CDK6: variants seen among roughly 807,000 people sequenced by gnomAD.
CDK6 encodes the protein cyclin dependent kinase 6.
In CDK6, 6 loss-of-function variants were observed where a neutral mutation model predicts 37.1. The ratio of observed to expected loss-of-function variants is 0.16; its 90% CI spans 0.09 to 0.32. The LOEUF is 0.32. Among genes scored for constraint, CDK6 ranks in the 10% least tolerant of loss-of-function variants. CDK6 has a pLI of 1.00. For missense variants in CDK6, 224 were observed against 418.9 expected, an observed-to-expected ratio of 0.53 and a Z score of 4.06; for synonymous variants, 160 against 161.3, an observed-to-expected ratio of 0.99 and a Z score of 0.06.
intron 4 of CDK6, among the ~76,000 whole-genome samples, chr7:92,672,176 C>CACACAG (rs1797093213): frequency 9.6e-6 from 1 of 104,054 alleles, no homozygotes; most frequent in Non-Finnish European, 1.9e-5. Context: ...TACACACACA[C>CACACAG]ACACACAGAC....
chr7:92,664,807 A>C (rs1249694994), intron 5 of CDK6, among the ~76,000 whole-genome samples: 3 of 148,644 alleles, frequency 2.0e-5, no homozygotes, highest in East Asian at 3.9e-4. Flanking sequence ...TTTTTTTGAG[A>C]CTGAGTCTCA....
chr7:92,623,149 G>T, intron 5 of CDK6, 63 bp from the exon 6 acceptor site: 2 of 1,128,506 alleles, frequency 1.8e-6, no homozygotes, highest in Non-Finnish European at 2.6e-6. Flanking sequence ...AATCATATTT[G>T]CCATTATCAT....
intron 5 of CDK6, among the ~76,000 whole-genome samples, chr7:92,642,036 T>A (rs1585360972): frequency 6.6e-6 from 1 of 152,170 alleles, no homozygotes; most frequent in East Asian, 1.9e-4. Context: ...CTGTTTGGAG[T>A]TCCCCTGTGA....
At chr7:92,647,485 C>T (rs1796478955) in intron 5 of CDK6, among the ~76,000 whole-genome samples, 2 of 152,194 alleles carry the variant, frequency 1.3e-5, no homozygotes, top group Admixed American at 1.3e-4. Flanking sequence ...GGAATCTCTG[C>T]AGGCAGTTTC....
intron 3 of CDK6, among the ~76,000 whole-genome samples, chr7:92,733,110 T>A (rs1798691479): frequency 1.3e-5 from 2 of 152,220 alleles, no homozygotes; most frequent in South Asian, 2.1e-4. Flanking sequence ...ATGAACATTA[T>A]CTTTCATTTA....
intron 2 of CDK6, among the ~76,000 whole-genome samples, chr7:92,776,822 T>C (rs1264442123): frequency 1.3e-5 from 2 of 152,220 alleles, no homozygotes; most frequent in African/African-American, 4.8e-5. Flanking sequence ...CTTTGTCAGA[T>C]GGATAGATTG....
At chr7:92,724,374 T>G (rs1798460152) in intron 4 of CDK6, among the ~76,000 whole-genome samples, 1 of 152,158 alleles carries the variant, frequency 6.6e-6, no homozygotes, top group Non-Finnish European at 1.5e-5. Context: ...GGCAACATTT[T>G]CCAAGGAATC....
intron 3 of CDK6, among the ~76,000 whole-genome samples, chr7:92,729,701 C>T (rs1369982723): frequency 1.3e-5 from 2 of 152,172 alleles, no homozygotes; most frequent in Non-Finnish European, 2.9e-5. Context: ...TAAAAAACGA[C>T]TTCAGGCTTT....
chr7:92,815,064 G>A (rs1033951103), intron 2 of CDK6, among the ~76,000 whole-genome samples: 2 of 152,158 alleles, frequency 1.3e-5, no homozygotes, highest in African/African-American at 2.4e-5. Flanking sequence ...GAGTCAACAG[G>A]TGCAATGGAA....
At chr7:92,660,185 C>T (rs1355442206) in intron 5 of CDK6, among the ~76,000 whole-genome samples, 1 of 152,210 alleles carries the variant, frequency 6.6e-6, no homozygotes, top group Non-Finnish European at 1.5e-5. Flanking sequence ...GACATCATTG[C>T]TGCACCTATG....
intron 5 of CDK6, among the ~76,000 whole-genome samples, chr7:92,625,202 C>G (rs1243439489): frequency 1.3e-5 from 2 of 148,888 alleles, no homozygotes; most frequent in African/African-American, 5.0e-5. Context: ...AGCAGAGTTA[C>G]AATTAAGTGG....
Position 92,688,581 on chromosome 7 carries a change from TCACACACACACA to T in CDK6, c.538-17058_538-17047del, listed in dbSNP as rs35953301. ...TTGAGGTGTATAGACTACATATACA[TCACACACACACA>T]CACACACACACACACACACACACAC... is the stretch of plus-strand genomic sequence containing the variant. On this transcript the variant is annotated intron_variant, in intron 4 of 7. Coordinates refer to ENST00000424848, the MANE Select transcript of CDK6 (RefSeq NM_001145306.2). Among the ~76,000 whole-genome samples, 622 of 127,576 alleles carry T rather than the reference TCACACACACACA, an allele frequency of 4.9e-3. 5 individuals are homozygous for T. The highest frequency in any genetic ancestry group is 0.012 in the African/African-American group (400 of 34,356). The allele number at this position is 127,576 out of a possible 152,430, so 83.7% of individuals were successfully genotyped here. A position where few individuals can be genotyped will look rare whatever the true frequency, so the allele number is the denominator to read the frequency against.
chr7:92,816,188 G>A (rs578057833), intron 2 of CDK6, among the ~76,000 whole-genome samples: 2 of 152,260 alleles, frequency 1.3e-5, no homozygotes, highest in South Asian at 4.1e-4. Context: ...TAGACATGCA[G>A]CCATACAGAA....
intron 2 of CDK6, among the ~76,000 whole-genome samples, chr7:92,794,898 T>C (rs1584096560): frequency 7.1e-6 from 1 of 141,344 alleles, no homozygotes; most frequent in African/African-American, 2.9e-5. Flanking sequence ...ATAATAAAGA[T>C]GTTGATTCTT....
intron 6 of CDK6, among the ~76,000 whole-genome samples, chr7:92,620,387 T>C (rs567861616): frequency 6.6e-6 from 1 of 152,168 alleles, no homozygotes; most frequent in East Asian, 1.9e-4. Context: ...GATGGGGAAA[T>C]TGAGAATGAG....
chr7:92,660,182 T>C (rs544326908), intron 5 of CDK6, among the ~76,000 whole-genome samples: 2 of 152,332 alleles, frequency 1.3e-5, no homozygotes, highest in East Asian at 3.9e-4. Context: ...CATGACATCA[T>C]TGCTGCACCT....
At chr7:92,751,124 A>G (rs17164772) in intron 3 of CDK6, among the ~76,000 whole-genome samples, 29,248 of 152,120 alleles carry the variant, frequency 0.19, 4,051 homozygotes, top group African/African-American at 0.39. Flanking sequence ...CTGAATTGCC[A>G]AGAGGAACAA....
At chr7:92,658,133 C>T (rs767652431) in intron 5 of CDK6, among the ~76,000 whole-genome samples, 21 of 152,148 alleles carry the variant, frequency 1.4e-4, no homozygotes, top group Non-Finnish European at 2.6e-4. Flanking sequence ...AATCTCAATC[C>T]TACCTCCCAC....
At chr7:92,758,703 T>G (rs1562957193) in intron 3 of CDK6, among the ~76,000 whole-genome samples, 1 of 152,216 alleles carries the variant, frequency 6.6e-6, no homozygotes, top group Non-Finnish European at 1.5e-5. Flanking sequence ...GGAACAGCAT[T>G]GATTCTGTAA....
Sources: gnomAD v4.1 joint callset for allele counts (sites outside exome capture counted in the v4.1 genomes callset) on GRCh38, gnomAD v4.1.1 for gene constraint, MANE v1.5 for transcripts, NCBI Gene and HGNC (gene_info 2026-07-23, HGNC 2026-07-21) for gene names.